AUH: variants seen among roughly 807,000 people sequenced by gnomAD.
The protein encoded by AUH is AU RNA binding methylglutaconyl-CoA hydratase.
In AUH, 29 loss-of-function variants were observed where a neutral mutation model predicts 42.3. The observed-to-expected ratio is 0.69, with a 90% CI of 0.51 to 0.93. The LOEUF (loss-of-function observed/expected upper bound fraction) is 0.93. Among genes scored for constraint, AUH ranks in the 40% least tolerant of loss-of-function variants. AUH has a pLI of 0.00. For synonymous variants in AUH, 174 were observed against 166.4 expected (o/e 1.05, Z -0.35); for missense variants, 452 against 438.1 (o/e 1.03, Z -0.28).
intron 6 of AUH, among the ~76,000 whole-genome samples, chr9:91,284,372 C>T (rs1385337702): frequency 6.6e-6 from 1 of 152,100 alleles, no homozygotes; most frequent in Non-Finnish European, 1.5e-5. Context: ...AGAAGAAAAC[C>T]TAGGCAATAC....
At chr9:91,276,804 A>C (rs536671496) in intron 6 of AUH, among the ~76,000 whole-genome samples, 4 of 152,354 alleles carry the variant, frequency 2.6e-5, no homozygotes, top group South Asian at 4.1e-4. Flanking sequence ...ATAGAGGACA[A>C]GAAACAAGTC....
intron 1 of AUH, among the ~76,000 whole-genome samples, chr9:91,359,057 C>T (rs1049797739): frequency 1.6e-4 from 24 of 152,282 alleles, no homozygotes; most frequent in Middle Eastern, 6.8e-3. Flanking sequence ...CGTTCACATG[C>T]CAACCTTAAT....
chr9:91,264,564 CTCTT>C (rs1829870373), intron 6 of AUH, among the ~76,000 whole-genome samples: 1 of 152,192 alleles, frequency 6.6e-6, no homozygotes, highest in Non-Finnish European at 1.5e-5. Flanking sequence ...GGCCAAGTCT[CTCTT>C]TCTTGGTTAT....
At chr9:91,281,564 C>T (rs1378458374) in intron 6 of AUH, among the ~76,000 whole-genome samples, 1 of 152,190 alleles carries the variant, frequency 6.6e-6, no homozygotes, top group Non-Finnish European at 1.5e-5. Context: ...ATTTAATGAC[C>T]ATTTTGAAGC....
At chr9:91,335,652 C>T (rs1171678011) in intron 3 of AUH, among the ~76,000 whole-genome samples, 1 of 151,936 alleles carries the variant, frequency 6.6e-6, no homozygotes, top group African/African-American at 2.4e-5. Flanking sequence ...TTTTTTCTTT[C>T]CTGAAGTCCA....
Position 91,361,912 on chromosome 9 carries a change from C to T in AUH, c.-23G>A, listed in dbSNP as rs1832904752. The T allele has an allele frequency of 7.3e-7, 1 of 1,365,688 alleles. No individual in the cohort carries two copies. Among genetic ancestry groups the T allele is most frequent in the Non-Finnish European group, 9.4e-7 (1 of 1,061,544 alleles). The allele number at this position is 1,365,688 out of a possible 1,614,324, so 84.6% of individuals were successfully genotyped here. Reference sequence around the variant, plus strand: ...CATGTTGTCTGTTTACGGCGTGGACCTGCGACGGCCGCTCCGCCCCCGCCC... The same window carrying T: ...CATGTTGTCTGTTTACGGCGTGGACTTGCGACGGCCGCTCCGCCCCCGCCC... On this transcript the variant is annotated 5_prime_UTR_variant, in exon 1 of 10. Coordinates refer to ENST00000375731, the MANE Select transcript of AUH (RefSeq NM_001698.3).
chr9:91,266,066 A>G (rs772606437), intron 6 of AUH, among the ~76,000 whole-genome samples: 1 of 152,140 alleles, frequency 6.6e-6, no homozygotes, highest in Non-Finnish European at 1.5e-5. Context: ...TTTTAAGCTT[A>G]TAAAGGAAAG....
chr9:91,352,984 G>C (rs755975253), intron 3 of AUH, among the ~76,000 whole-genome samples: 2 of 152,170 alleles, frequency 1.3e-5, no homozygotes, highest in Non-Finnish European at 2.9e-5. Flanking sequence ...AATATATACA[G>C]AGAAACCTTT....
chr9:91,319,707 C>T (rs1220422873), intron 4 of AUH, among the ~76,000 whole-genome samples: 1 of 152,208 alleles, frequency 6.6e-6, no homozygotes, highest in African/African-American at 2.4e-5. Context: ...ACTTAGTAAA[C>T]ACACTGCACG....
At chr9:91,230,108 T>C (rs917705265) in intron 6 of AUH, among the ~76,000 whole-genome samples, 12 of 151,476 alleles carry the variant, frequency 7.9e-5, no homozygotes, top group African/African-American at 2.7e-4. Context: ...TGGCCTGCCT[T>C]GCTAGATTGG....
intron 6 of AUH, among the ~76,000 whole-genome samples, chr9:91,275,494 TC>T (rs1825469767): frequency 6.6e-6 from 1 of 152,182 alleles, no homozygotes; most frequent in Admixed American, 6.5e-5. Flanking sequence ...AACGGGAACT[TC>T]CCTAGGCATG....
chr9:91,229,046 G>A (rs1827705107), intron 6 of AUH, among the ~76,000 whole-genome samples: 1 of 151,652 alleles, frequency 6.6e-6, no homozygotes, highest in Admixed American at 6.6e-5. Flanking sequence ...TTGGGGTGGA[G>A]AGTTCTGTAG....
At chr9:91,275,530 T>G (rs1407104648) in intron 6 of AUH, among the ~76,000 whole-genome samples, 2 of 152,162 alleles carry the variant, frequency 1.3e-5, no homozygotes, top group African/African-American at 2.4e-5. Context: ...TAAAAAAAGG[T>G]AATGCAAAAG....
intron 6 of AUH, among the ~76,000 whole-genome samples, chr9:91,228,684 G>C (rs1159798047): frequency 1.3e-5 from 2 of 148,264 alleles, no homozygotes; most frequent in Non-Finnish European, 3.0e-5. Flanking sequence ...TTCTCTTGTG[G>C]GCATTTAGTG....
intron 6 of AUH, among the ~76,000 whole-genome samples, chr9:91,291,922 CAAAAAAAAA>C (rs10592483): frequency 4.6e-5 from 4 of 87,434 alleles, no homozygotes; most frequent in African/African-American, 8.6e-5. Context: ...GACTCCGTGT[CAAAAAAAAA>C]AAAAAAAAAA....
chr9:91,271,588 G>C (rs1386376636), intron 6 of AUH, among the ~76,000 whole-genome samples: 3 of 152,238 alleles, frequency 2.0e-5, no homozygotes, highest in Admixed American at 2.0e-4. Flanking sequence ...AGTAGGGCTT[G>C]TCCTATGACA....
chr9:91,237,836 A>C (rs1262404463), intron 6 of AUH, among the ~76,000 whole-genome samples: 1 of 152,164 alleles, frequency 6.6e-6, no homozygotes, highest in East Asian at 1.9e-4. Context: ...GTGGAGCTAC[A>C]TTTTTAAATG....
intron 3 of AUH, among the ~76,000 whole-genome samples, chr9:91,334,344 C>G (rs957792863): frequency 6.8e-6 from 1 of 148,018 alleles, no homozygotes; most frequent in Non-Finnish European, 1.5e-5. Flanking sequence ...AGAAGCAGCC[C>G]TTCCCATGTG....
At chr9:91,261,708 T>C (rs561336702) in intron 6 of AUH, among the ~76,000 whole-genome samples, 31 of 152,354 alleles carry the variant, frequency 2.0e-4, no homozygotes, top group African/African-American at 7.2e-4. Context: ...AAAATGCCTC[T>C]AGGCAGAAAG....
Sources: gnomAD v4.1 joint callset for allele counts (sites outside exome capture counted in the v4.1 genomes callset) on GRCh38, gnomAD v4.1.1 for gene constraint, MANE v1.5 for transcripts, NCBI Gene and HGNC (gene_info 2026-07-23, HGNC 2026-07-21) for gene names.